Variants in GPHN observed in about 807,000 individuals in gnomAD.
The protein encoded by GPHN is gephyrin.
GPHN carries 17 observed loss-of-function variants against 95.5 expected under a neutral mutation model. The observed-to-expected ratio is 0.18, with a 90% CI of 0.12 to 0.27. The LOEUF (loss-of-function observed/expected upper bound fraction) is 0.27, where lower values mean the gene tolerates loss of function less well. GPHN is among the 10% of genes least tolerant of loss of function. GPHN has a pLI of 1.00. For missense variants in GPHN, 660 were observed against 978.1 expected, an observed-to-expected ratio of 0.67 and a Z score of 4.34; for synonymous variants, 320 against 322.5, an observed-to-expected ratio of 0.99 and a Z score of 0.08.
chr14:67,251,814 C>T, the GPHN span, among the ~76,000 whole-genome samples: 2 of 152,110 alleles, frequency 1.3e-5, no homozygotes, highest in African/African-American at 4.8e-5. Context: ...CTTGGCAGGC[C>T]CCTATAATAG....
At chr14:67,321,128 G>A in the GPHN span, 4 of 1,613,998 alleles carry the variant, frequency 2.5e-6, no homozygotes, top group Admixed American at 1.7e-5. Flanking sequence ...GCAAGCATTC[G>A]AGGCAGACAT....
chr14:66,840,482 G>T (rs1284547254), intron 4 of GPHN, among the ~76,000 whole-genome samples: 3 of 151,854 alleles, frequency 2.0e-5, no homozygotes, highest in African/African-American at 2.4e-5. Flanking sequence ...ATTTAAAAGG[G>T]CCAGATGGTA....
downstream of GPHN, among the ~76,000 whole-genome samples, chr14:67,182,204 G>A (rs866670513): frequency 2.0e-5 from 3 of 152,102 alleles, no homozygotes; most frequent in Non-Finnish European, 4.4e-5. Context: ...ACAGATGAGC[G>A]CCTCGAAATT....
At chr14:67,394,151 C>A in the GPHN span, among the ~76,000 whole-genome samples, 1 of 152,166 alleles carries the variant, frequency 6.6e-6, no homozygotes, top group Non-Finnish European at 1.5e-5. Context: ...TTCTTTTCTT[C>A]TCCTTATCTA....
the GPHN span, among the ~76,000 whole-genome samples, chr14:67,417,550 G>C: frequency 6.6e-6 from 1 of 151,702 alleles, no homozygotes; most frequent in Admixed American, 6.6e-5. Flanking sequence ...CCCTACCTCA[G>C]CCTCCTGAGT....
At chr14:67,359,198 T>G in the GPHN span, among the ~76,000 whole-genome samples, 3 of 152,318 alleles carry the variant, frequency 2.0e-5, no homozygotes, top group East Asian at 5.8e-4. Context: ...CATCCCCACT[T>G]TGGCTTAGGG....
the GPHN span, among the ~76,000 whole-genome samples, chr14:67,639,659 G>A: frequency 6.6e-6 from 1 of 152,114 alleles, no homozygotes; most frequent in Non-Finnish European, 1.5e-5. Context: ...AGTGGCTCAT[G>A]CCTGTAATCC....
the GPHN span, among the ~76,000 whole-genome samples, chr14:67,538,921 T>G: frequency 6.6e-6 from 1 of 152,334 alleles, no homozygotes; most frequent in East Asian, 1.9e-4. Context: ...TCCAAAGTAC[T>G]TGGAGATTTT....
the GPHN span, among the ~76,000 whole-genome samples, chr14:67,403,465 A>G: frequency 6.6e-6 from 1 of 152,208 alleles, no homozygotes; most frequent in Non-Finnish European, 1.5e-5. Flanking sequence ...GTCTGACTGT[A>G]TGGTCCCCAG....
At chr14:67,615,587 C>T in the GPHN span, 2 of 541,428 alleles carry the variant, frequency 3.7e-6, no homozygotes, top group East Asian at 8.6e-5. Flanking sequence ...CCAGATGCTT[C>T]AGTCAACTTC....
the GPHN span, among the ~76,000 whole-genome samples, chr14:67,420,288 C>T: frequency 2.6e-4 from 39 of 152,342 alleles, 1 homozygote; most frequent in East Asian, 7.6e-3. Context: ...ACACCCAGCT[C>T]CGCCTCTGGG....
At chr14:66,909,651 C>A (rs1018280826) in intron 5 of GPHN, among the ~76,000 whole-genome samples, 1 of 151,770 alleles carries the variant, frequency 6.6e-6, no homozygotes, top group Admixed American at 6.6e-5. Flanking sequence ...AGCAATGATT[C>A]GAAGGGAACT....
chr14:67,576,429 G>C, the GPHN span: 2 of 1,609,768 alleles, frequency 1.2e-6, no homozygotes, highest in Non-Finnish European at 1.7e-6. This position sits in a 1 kb window ranked among gnomAD's most constrained non-coding sequence, Gnocchi z 4.0. Flanking sequence ...GTGGCTGCAG[G>C]TGGCAGCAGT....
At chr14:66,609,328 G>A (rs1451480565) in intron 1 of GPHN, among the ~76,000 whole-genome samples, 2 of 152,046 alleles carry the variant, frequency 1.3e-5, no homozygotes, top group Non-Finnish European at 2.9e-5. Context: ...TCCTGATGGG[G>A]TTTCCTTTAT....
intron 1 of GPHN, among the ~76,000 whole-genome samples, chr14:66,580,959 A>T (rs972157147): frequency 7.9e-5 from 12 of 151,846 alleles, no homozygotes; most frequent in African/African-American, 2.9e-4. Context: ...ATCATACACC[A>T]TGATCAAGCA....
the GPHN span, among the ~76,000 whole-genome samples, chr14:67,657,597 T>TGCAC: frequency 8.4e-6 from 1 of 119,358 alleles, no homozygotes; most frequent in Non-Finnish European, 1.7e-5. Context: ...CGCGCGCGCG[T>TGCAC]GCACACACAC....
chr14:66,991,883 AAAAAG>A (rs1270450386), intron 9 of GPHN, among the ~76,000 whole-genome samples: 2 of 151,318 alleles, frequency 1.3e-5, no homozygotes, highest in Non-Finnish European at 1.5e-5. Context: ...AAAAAAAAAA[AAAAAG>A]AAAAGAAAAG....
the GPHN span, chr14:67,617,104 T>G: frequency 6.6e-6 from 1 of 152,224 alleles, no homozygotes; most frequent in Admixed American, 6.5e-5. Context: ...CTCAAACTCC[T>G]GACCTCAGGC....
At chr14:67,105,544 T>C (rs1048502117) in intron 13 of GPHN, among the ~76,000 whole-genome samples, 1 of 152,168 alleles carries the variant, frequency 6.6e-6, no homozygotes, top group Non-Finnish European at 1.5e-5. Flanking sequence ...GCGATTATTG[T>C]ATCCTTGTGA....
Sources: allele counts gnomAD v4.1 joint callset (sites outside exome capture counted in the v4.1 genomes callset), GRCh38; gene constraint gnomAD v4.1.1; non-coding constraint Gnocchi (gnomAD v3.1); transcripts MANE v1.5; gene names NCBI Gene and HGNC (gene_info 2026-07-23, HGNC 2026-07-21).